The following MCPH1 variants were observed in gnomAD, a reference collection of about 807,000 sequenced individuals.
The protein encoded by MCPH1 is microcephalin 1, also known as microcephalin.
Under a neutral mutation model 84.5 loss-of-function variants are expected in MCPH1, and 104 were observed. The ratio of observed to expected loss-of-function variants is 1.23; its 90% CI spans 1.05 to 1.45. The LOEUF (loss-of-function observed/expected upper bound fraction) is 1.45. MCPH1 is among the 40% of genes most tolerant of loss of function. MCPH1 has a pLI of 0.00. For synonymous variants in MCPH1, 514 were observed against 366.8 expected (o/e 1.40, Z -4.58); for missense variants, 1,498 against 1,005.7 (o/e 1.49, Z -6.62).
At chr8:6,539,191 G>T (rs73507141) in intron 12 of MCPH1, among the ~76,000 whole-genome samples, 1 of 152,188 alleles carries the variant, frequency 6.6e-6, no homozygotes, top group Non-Finnish European at 1.5e-5. Flanking sequence ...CAGAGCCTGG[G>T]GGGTAGGCAC....
At chr8:6,437,560 G>A (rs916214643) in intron 5 of MCPH1, among the ~76,000 whole-genome samples, 3 of 152,124 alleles carry the variant, frequency 2.0e-5, no homozygotes, top group African/African-American at 7.2e-5. Context: ...ACGATAATGC[G>A]ACAGAACTGG....
At chr8:6,560,198 G>C (rs912295751) in intron 12 of MCPH1, among the ~76,000 whole-genome samples, 3 of 152,122 alleles carry the variant, frequency 2.0e-5, no homozygotes, top group Non-Finnish European at 2.9e-5. Flanking sequence ...GCTGATCCAG[G>C]AGAGAAAGGA....
intron 3 of MCPH1, among the ~76,000 whole-genome samples, chr8:6,415,142 A>G (rs1039055592): frequency 6.6e-6 from 1 of 152,026 alleles, no homozygotes; most frequent in Non-Finnish European, 1.5e-5. Context: ...CTTAGGAAGC[A>G]AGAGGGAATG....
In MCPH1 at chr8:6,445,077, G is replaced by A. The variant is rs779084264; in HGVS notation, c.1355G>A (p.Arg452Lys). 3 of 1,614,256 alleles carry A rather than the reference G, an allele frequency of 1.9e-6. No homozygotes were observed. The highest frequency in any genetic ancestry group is 1.6e-4 in the Middle Eastern group (1 of 6,062). ...LSCRSLSKKE[R>K]TSIFEMSDFS... Reference sequence around the variant, plus strand: ...TGCAGAAGTCTTTCTAAGAAGGAGAGAACAAGCATATTTGAAATGTCTGAT... The same window carrying A: ...TGCAGAAGTCTTTCTAAGAAGGAGAAAACAAGCATATTTGAAATGTCTGAT... Residue 452 changes from arginine to lysine, a missense_variant, in exon 8 of 14, where the codon AGA (arginine) becomes AAA (lysine). Physicochemically the swap from Arg to Lys is conservative, Grantham distance 26. Coordinates refer to ENST00000344683, the MANE Select transcript of MCPH1 (RefSeq NM_024596.5).
chr8:6,437,516 A>C (rs1382960271), intron 5 of MCPH1, among the ~76,000 whole-genome samples: 1 of 152,212 alleles, frequency 6.6e-6, no homozygotes, highest in Non-Finnish European at 1.5e-5. Context: ...GGCGTGAGCC[A>C]CCGCGCCCGG....
At position 6,648,400 on chromosome 8, in the gene MCPH1, T is replaced by A. The variant is rs1409604635; in HGVS notation, c.*5351T>A. The A allele has an allele frequency of 6.6e-6, 1 of 152,214 alleles. No homozygotes were observed. The highest frequency in any genetic ancestry group is 2.4e-5 in the African/African-American group (1 of 41,462). The allele number at this position is 152,214 out of a possible 1,614,324, so 9.4% of individuals were successfully genotyped here. On this transcript the variant is annotated 3_prime_UTR_variant, in exon 14 of 14. Coordinates refer to ENST00000344683, the MANE Select transcript of MCPH1 (RefSeq NM_024596.5). ...AGGACCCATCAGACAGAAAGTAATATGCAGATAACAGCCCAGGGGAATCTG... is the reference window on the plus strand; with the variant it reads ...AGGACCCATCAGACAGAAAGTAATAAGCAGATAACAGCCCAGGGGAATCTG...
At chr8:6,610,369 G>A (rs1293433385) in intron 12 of MCPH1, among the ~76,000 whole-genome samples, 3 of 152,232 alleles carry the variant, frequency 2.0e-5, no homozygotes, top group African/African-American at 4.8e-5. Context: ...ATCAAGCCAT[G>A]TTGTTGGCTA....
At chr8:6,628,891 A>T (rs1796958177) in intron 13 of MCPH1, among the ~76,000 whole-genome samples, 1 of 152,358 alleles carries the variant, frequency 6.6e-6, no homozygotes, top group East Asian at 1.9e-4. Context: ...GCTTTGGGTT[A>T]TGACTGTAGG....
chr8:6,532,592 ATCT>A, intron 12 of MCPH1: 26 of 806,010 alleles, frequency 3.2e-5, no homozygotes, highest in Non-Finnish European at 4.6e-5. Context: ...AAAAAAAAAA[ATCT>A]ATCAAAAGAC....
At chr8:6,613,411 C>T (rs544090140) in intron 12 of MCPH1, among the ~76,000 whole-genome samples, 3 of 152,202 alleles carry the variant, frequency 2.0e-5, no homozygotes, top group Admixed American at 6.5e-5. Flanking sequence ...TGTGGTTTGA[C>T]TCAGTCTGAC....
At chr8:6,630,742 T>C (rs370169663) in intron 13 of MCPH1, among the ~76,000 whole-genome samples, 6 of 148,920 alleles carry the variant, frequency 4.0e-5, no homozygotes, top group South Asian at 2.1e-4. Context: ...GACTGTGCCA[T>C]TGCACTCCAG....
At chr8:6,411,778 C>T (rs143489408) in intron 2 of MCPH1, among the ~76,000 whole-genome samples, 14 of 152,166 alleles carry the variant, frequency 9.2e-5, no homozygotes, top group Admixed American at 5.9e-4. Context: ...CAGTATATAA[C>T]CTGTTCAGTA....
intron 12 of MCPH1, among the ~76,000 whole-genome samples, chr8:6,579,354 A>C (rs990340367): frequency 6.6e-6 from 1 of 152,194 alleles, no homozygotes; most frequent in Non-Finnish European, 1.5e-5. Context: ...TGAATGAGAC[A>C]GTTTAGATCC....
chr8:6,639,962 C>G (rs138923476), intron 13 of MCPH1, among the ~76,000 whole-genome samples: 100 of 152,134 alleles, frequency 6.6e-4, no homozygotes, highest in African/African-American at 2.4e-3. Flanking sequence ...TGGCCTCAAA[C>G]TCTTGGGCTC....
chr8:6,576,639 C>G (rs1586687708), intron 12 of MCPH1, among the ~76,000 whole-genome samples: 1 of 139,186 alleles, frequency 7.2e-6, no homozygotes, highest in Non-Finnish European at 1.5e-5. Flanking sequence ...TTCTGAGTAG[C>G]TGGGATTACA....
At chr8:6,579,384 G>T (rs1323816353) in intron 12 of MCPH1, among the ~76,000 whole-genome samples, 1 of 152,168 alleles carries the variant, frequency 6.6e-6, no homozygotes, top group Non-Finnish European at 1.5e-5. Context: ...GGAAATTATG[G>T]TGGTCAGCCC....
rs574548817 is a variant in MCPH1 at position 6,646,185 on chromosome 8, G to A, written c.*3136G>A. 1.3e-5 allele frequency: 2 copies of A among 152,312 alleles called. No homozygotes were observed. Among genetic ancestry groups the A allele is most frequent in the East Asian group, 3.9e-4 (2 of 5,186 alleles). The allele number at this position is 152,312 out of a possible 1,614,324, so 9.4% of individuals were successfully genotyped here. A position where few individuals can be genotyped will look rare whatever the true frequency, so the allele number is the denominator to read the frequency against. Reference sequence around the variant, plus strand: ...CACATCTGTAATACCAGCTCTCTGGGAGGCTGAGGCGGGTGGATCACTTGA... The same window carrying A: ...CACATCTGTAATACCAGCTCTCTGGAAGGCTGAGGCGGGTGGATCACTTGA... On this transcript the variant is annotated 3_prime_UTR_variant, in exon 14 of 14. Coordinates refer to ENST00000344683, the MANE Select transcript of MCPH1 (RefSeq NM_024596.5).
intron 3 of MCPH1, among the ~76,000 whole-genome samples, chr8:6,428,018 A>G (rs2515564): frequency 0.74 from 111,674 of 151,672 alleles, 42,806 homozygotes; most frequent in East Asian, 0.83. Flanking sequence ...GCCTTGAACC[A>G]CTGACCTCCC....
intron 12 of MCPH1, among the ~76,000 whole-genome samples, chr8:6,606,268 AATAAT>A (rs1829764124): frequency 6.6e-6 from 1 of 152,342 alleles, no homozygotes; most frequent in Admixed American, 6.5e-5. Flanking sequence ...TCGCACATAA[AATAAT>A]ATATCTAAAA....
Sources: allele counts gnomAD v4.1 joint callset (sites outside exome capture counted in the v4.1 genomes callset), GRCh38; gene constraint gnomAD v4.1.1; transcripts MANE v1.5; gene names NCBI Gene and HGNC (gene_info 2026-07-23, HGNC 2026-07-21).